The following ABCF3 variants were observed in gnomAD, a reference collection of about 807,000 sequenced individuals.
ABCF3 encodes the protein ATP-binding cassette sub-family F member 3.
Under a neutral mutation model 94.3 loss-of-function variants are expected in ABCF3, and 62 were observed. The ratio of observed to expected loss-of-function variants is 0.66; its 90% confidence interval spans 0.54 to 0.81. The LOEUF (loss-of-function observed/expected upper bound fraction) is 0.81. ABCF3 is among the 40% of genes least tolerant of loss of function. The pLI, the probability that ABCF3 is intolerant of heterozygous loss-of-function variation, is 0.00. For synonymous variants in ABCF3, 355 were observed against 361.1 expected (o/e 0.98, Z 0.19); for missense variants, 843 against 925.3 (o/e 0.91, Z 1.15).
chr3:184,190,790 A>G (rs1166285153), intron 14 of ABCF3: 2 of 589,878 alleles, frequency 3.4e-6, no homozygotes, highest in African/African-American at 3.7e-5. Context: ...GTGGAAACAT[A>G]TCACAATATA....
chr3:184,187,496 A>C lies in ABCF3; in HGVS notation c.348+53A>C. 5 of 1,581,642 alleles carry C rather than the reference A, an allele frequency of 3.2e-6. No homozygotes were observed. In the South Asian group the frequency reaches 5.5e-5, roughly 17 times the overall value. On this transcript the variant is annotated intron_variant, in intron 4 of 20. Coordinates refer to ENST00000429586, the MANE Select transcript of ABCF3 (RefSeq NM_018358.3). ...CTGTCTGTGATGGGGTTGGGAGTTG[A>C]CTGTCTAATTGGAGTATCTTTTGGG...
rs538765951 is a variant in ABCF3 at position 184,187,020 on chromosome 3, G to T, written c.301+145G>T. 10 of 864,490 alleles carry T rather than the reference G, an allele frequency of 1.2e-5. No individual in the cohort carries two copies. The East Asian group carries it at 2.7e-4, about 23-fold the overall frequency. 53.6% of individuals were successfully genotyped at this position (864,490 alleles called of 1,614,324 possible). ...GTTGATGTCTTTACCGAGGGCAGAA[G>T]AGCCCATGATGGGGGTGGGGAGGAG... On this transcript the variant is annotated intron_variant, in intron 3 of 20. Coordinates refer to ENST00000429586, the MANE Select transcript of ABCF3 (RefSeq NM_018358.3).
chr3:184,193,435 G>A lies in ABCF3; in HGVS notation c.1954G>A (p.Ala652Thr). 1 of 1,614,156 alleles carries A rather than the reference G, an allele frequency of 6.2e-7. No homozygotes were observed. Among genetic ancestry groups the A allele is most frequent in the Non-Finnish European group, 8.5e-7 (1 of 1,180,028 alleles). Residue 652 changes from alanine to threonine, a missense_variant, in exon 20 of 21, where the codon GCC (alanine) becomes ACC (threonine). Transcript: ENST00000429586. The surrounding 1 kb of genome is among the most constrained non-coding windows in gnomAD (Gnocchi z 5.2). ...GGAGACCATTGAGGCTCTGGGCCGTGCCCTCAACAATTTCAGGGTGAGTGT... is the reference window on the plus strand; with the variant it reads ...GGAGACCATTGAGGCTCTGGGCCGTACCCTCAACAATTTCAGGGTGAGTGT... ...DMETIEALGR[A>T]LNNFRGGVIL...
rs1560138283 is a variant in ABCF3 at position 184,193,710 on chromosome 3, T to C, written c.*12T>C. On this transcript the variant is annotated 3_prime_UTR_variant, in exon 21 of 21. Transcript: ENST00000429586. The surrounding 1 kb of genome is among the most constrained non-coding windows in gnomAD (Gnocchi z 5.2). ...AAGGCTTCCTCTAGGGCCACCAGGC[T>C]GAGGACTCGCCCAGGACATGGACTG... 3 of 1,593,552 alleles carry C rather than the reference T, an allele frequency of 1.9e-6. No individual in the cohort carries two copies. The highest frequency in any genetic ancestry group is 2.3e-5 in the South Asian group (2 of 88,328).
intron 3 of ABCF3, 36 bp downstream of exon 3, chr3:184,186,911 TG>T: frequency 6.3e-7 from 1 of 1,592,578 alleles, no homozygotes; most frequent in Non-Finnish European, 8.6e-7. Flanking sequence ...ACTGCCCCCC[TG>T]TGCTTTTCTC....
intron 7 of ABCF3, 83 bp from the exon 8 acceptor site, chr3:184,188,678 A>T (rs1392787628): frequency 2.9e-6 from 4 of 1,402,484 alleles, no homozygotes; most frequent in Non-Finnish European, 4.0e-6. Context: ...AAGGTAGCCA[A>T]TGGCCTTTCC....
rs146433540 is a variant in ABCF3, at chr3:184,188,391, C to T, written c.820C>T (p.Gln274Ter). The T allele has an allele frequency of 1.9e-6, 3 of 1,607,572 alleles. No homozygotes were observed. Among genetic ancestry groups the T allele is most frequent in the Non-Finnish European group, 2.6e-6 (3 of 1,175,550 alleles). The change falls in exon 7 of 21, where the codon CAG becomes TAG. Residue 274 changes from glutamine to a stop codon, truncating the protein, a stop_gained. Coordinates refer to ENST00000429586, the MANE Select transcript of ABCF3 (RefSeq NM_018358.3). LOFTEE classifies it high-confidence loss of function. The part of the protein sequence containing the change: ...LLRRERELTA[Q>*]IAAGRAEGSE... ...ACGGAGGGAGCGGGAGCTCACTGCC[C>T]AGATTGCTGCTGGCAGGTGAGGACT... is the stretch of plus-strand genomic sequence containing the variant.
rs1379114249 is a variant in ABCF3 at position 184,189,695 on chromosome 3, G to A, written c.1252G>A (p.Glu418Lys). 6.2e-7 allele frequency: 1 copy of A among 1,614,130 alleles called. No homozygotes were observed. Among genetic ancestry groups the A allele is most frequent in the East Asian group, 2.2e-5 (1 of 44,884 alleles). ...DFETFIKSKQ[E>K]RLLNQQREYE... ...TGAGACCTTCATCAAGAGTAAGCAG[G>A]AGCGGCTGCTCAACCAGCAGCGTGA... Residue 418 changes from glutamate to lysine, a missense_variant, in exon 13 of 21, where the codon GAG (glutamate) becomes AAG (lysine). Physicochemically the swap from Glu to Lys is moderately conservative, Grantham distance 56. Coordinates refer to ENST00000429586, the MANE Select transcript of ABCF3 (RefSeq NM_018358.3).
rs1378251120 is a variant in ABCF3, at chr3:184,193,572, C to T, written c.2004C>T (p.Arg668=). 1 of 1,614,178 alleles carries T rather than the reference C, an allele frequency of 6.2e-7. No individual in the cohort carries two copies. The highest frequency in any genetic ancestry group is 1.7e-5 in the Admixed American group (1 of 60,024). ...TGATTCTGGTGTCCCACGATGAGCG[C>T]TTTATCAGGCTGGTGTGCCGGGAGT... ...GGVILVSHDE[R]FIRLVCRELW... Residue 668 remains arginine (R), a synonymous_variant, in exon 21 of 21, where the codon CGC becomes CGT. Transcript: ENST00000429586. The surrounding 1 kb of genome is among the most constrained non-coding windows in gnomAD (Gnocchi z 5.2).
rs774741546 is a variant in ABCF3 at position 184,191,012 on chromosome 3, C to A, written c.1405C>A (p.Pro469Thr). The A allele has an allele frequency of 6.2e-7, 1 of 1,614,104 alleles. No individual in the cohort carries two copies. Among genetic ancestry groups the A allele is most frequent in the South Asian group, 1.1e-5 (1 of 91,080 alleles). The stretch of plus-strand genomic sequence containing the variant: ...CTCTTCTCCCAGGCCTGAGCTGAAG[C>A]CTGTGGACAAGGAATCAGAGGTCGT... ...KMLEKLPELKPVDKESEVVMK... is the reference protein window; with the variant it reads ...KMLEKLPELKTVDKESEVVMK... Residue 469 changes from proline to threonine, a missense_variant, in exon 15 of 21, where the codon CCT (proline) becomes ACT (threonine). By Grantham distance (38) the Pro-to-Thr change is conservative. Transcript: ENST00000429586.
chr3:184,186,371 C>A, intron 1 of ABCF3, 91 bp downstream of exon 1: 1 of 1,592,488 alleles, frequency 6.3e-7, no homozygotes, highest in Non-Finnish European at 8.6e-7. Flanking sequence ...TGTTGCCAGG[C>A]CTCTCCTCTG....
chr3:184,187,336 C>T (rs1168612688), intron 3 of ABCF3, 61 bp from the exon 4 acceptor site: 2 of 1,602,712 alleles, frequency 1.2e-6, no homozygotes, highest in East Asian at 4.5e-5. Flanking sequence ...CTATTAGTCA[C>T]TCAAAATGTT....
intron 14 of ABCF3, 98 bp from the exon 15 acceptor site, chr3:184,190,901 G>A (rs994577115): frequency 7.1e-7 from 1 of 1,414,484 alleles, no homozygotes; most frequent in Non-Finnish European, 9.7e-7. Flanking sequence ...AGTGGTAGGA[G>A]TACAAGCCCT....
At chr3:184,188,680 G>A in intron 7 of ABCF3, 81 bp from the exon 8 acceptor site, 1 of 1,414,456 alleles carries the variant, frequency 7.1e-7, no homozygotes, top group Admixed American at 1.9e-5. Flanking sequence ...GGTAGCCAAT[G>A]GCCTTTCCAA....
intron 16 of ABCF3, among the ~76,000 whole-genome samples, chr3:184,192,068 TG>T (rs1716062278): frequency 1.3e-5 from 2 of 152,272 alleles, no homozygotes; most frequent in Admixed American, 1.3e-4. Flanking sequence ...AATATTTTTT[TG>T]GTTGTTGAAG....
intron 16 of ABCF3, 92 bp downstream of exon 16, chr3:184,191,347 C>T (rs986735990): frequency 7.0e-6 from 11 of 1,582,082 alleles, no homozygotes; most frequent in African/African-American, 1.3e-5. Context: ...TGTAAAGGGA[C>T]GAGGTCTGTG....
At position 184,188,132 on chromosome 3, in the gene ABCF3, C is replaced by T. The variant is rs1715760443; in HGVS notation, c.570-9C>T. 3.1e-6 allele frequency: 5 copies of T among 1,613,018 alleles called. No homozygotes were observed. The highest frequency in any genetic ancestry group is 3.4e-6 in the Non-Finnish European group (4 of 1,179,230). On this transcript the variant is annotated splice_polypyrimidine_tract_variant and intron_variant, in intron 6 of 20. Transcript: ENST00000429586. Reference sequence around the variant, plus strand: ...GAGCATCTTTGGTCTCCTTTCTCCACTCCTGCAGAGTACTGCTGGCTGGAG... The same window carrying T: ...GAGCATCTTTGGTCTCCTTTCTCCATTCCTGCAGAGTACTGCTGGCTGGAG...
chr3:184,189,337 C>G (rs771057467), intron 11 of ABCF3, 51 bp from the exon 12 acceptor site: 3 of 1,614,066 alleles, frequency 1.9e-6, no homozygotes, highest in Non-Finnish European at 2.5e-6. Context: ...CATCCAAGTT[C>G]CTAGTTCTCC....
At chr3:184,189,224 A>G (rs1210898708) in intron 10 of ABCF3, 31 bp from the exon 11 acceptor site, 3 of 1,614,058 alleles carry the variant, frequency 1.9e-6, no homozygotes, top group Non-Finnish European at 2.5e-6. Flanking sequence ...TTGCTGACCT[A>G]AAACCTCAGG....
Sources: gnomAD v4.1 joint callset for allele counts (sites outside exome capture counted in the v4.1 genomes callset) on GRCh38, gnomAD v4.1.1 for gene constraint, Gnocchi (gnomAD v3.1) non-coding constraint, MANE v1.5 for transcripts, NCBI Gene and HGNC (gene_info 2026-07-23, HGNC 2026-07-21) for gene names.